The following VWA8 variants were observed in gnomAD, a reference collection of about 807,000 sequenced individuals.
VWA8 encodes the protein von Willebrand factor A domain-containing protein 8.
Under a neutral mutation model 241.5 loss-of-function variants are expected in VWA8, and 221 were observed. That is an observed-to-expected ratio of 0.91 (90% CI 0.82 to 1.02). The LOEUF is 1.02. Ranked by LOEUF, VWA8 falls within the 50% of genes least tolerant of loss-of-function variation. The pLI is 0.00. For synonymous variants in VWA8, 852 were observed against 827.1 expected (o/e 1.03, Z -0.52); for missense variants, 2,322 against 2,328.7 (o/e 1.00, Z 0.06).
chr13:41,758,374 ATATATATATATATATATACGCTAG>A (rs1302467063), intron 21 of VWA8, among the ~76,000 whole-genome samples: 1,349 of 21,218 alleles, frequency 0.064, 102 homozygotes, highest in East Asian at 0.16. Context: ...ACTAGCATAT[ATATATATATATATATATACGCTAG>A]TATATATATA....
chr13:41,580,331 T>C (rs938819514), intron 42 of VWA8, among the ~76,000 whole-genome samples: 1 of 152,230 alleles, frequency 6.6e-6, no homozygotes, highest in Non-Finnish European at 1.5e-5. Context: ...CCAATCTCCA[T>C]GTAGCAATAA....
chr13:41,588,335 G>A (rs557956682), intron 41 of VWA8, among the ~76,000 whole-genome samples: 31 of 152,316 alleles, frequency 2.0e-4, no homozygotes, highest in African/African-American at 7.5e-4. Flanking sequence ...AGAAACAACT[G>A]TCAATTAAGA....
chr13:41,605,037 T>C lies in VWA8; in HGVS notation c.4986+131A>G, dbSNP rs2044544164. 3.9e-6 allele frequency: 3 copies of C among 763,282 alleles called. No homozygotes were observed. In the South Asian group the frequency reaches 5.3e-5, roughly 14 times the overall value. 47.3% of individuals were successfully genotyped at this position (763,282 alleles called of 1,614,324 possible). On this transcript the variant is annotated intron_variant, in intron 40 of 44. Transcript: ENST00000379310. ...AAAGCCATGGGATAGTCCAGTTTTA[T>C]GCAGACATTTTCACACTGAGACATT...
intron 12 of VWA8, among the ~76,000 whole-genome samples, chr13:41,840,663 G>A (rs542932436): frequency 1.3e-5 from 2 of 151,852 alleles, no homozygotes; most frequent in South Asian, 4.2e-4. Flanking sequence ...GGGAGCTGAG[G>A]CACAAGGATC....
At chr13:41,751,643 G>A (rs763515376) in intron 21 of VWA8, among the ~76,000 whole-genome samples, 3 of 145,926 alleles carry the variant, frequency 2.1e-5, no homozygotes, top group Non-Finnish European at 4.5e-5. Flanking sequence ...TGTAAAGCAT[G>A]TCATCATTCA....
At chr13:41,573,623 T>C (rs2044330246) in intron 43 of VWA8, among the ~76,000 whole-genome samples, 1 of 105,268 alleles carries the variant, frequency 9.5e-6, no homozygotes, top group Non-Finnish European at 1.9e-5. Context: ...ATATATGGTG[T>C]GTGTGTGTGT....
chr13:41,669,782 T>C (rs2045010027), intron 37 of VWA8, among the ~76,000 whole-genome samples: 1 of 152,170 alleles, frequency 6.6e-6, no homozygotes, highest in Non-Finnish European at 1.5e-5. Context: ...TTTAGAATAA[T>C]AAATGAAACA....
chr13:41,807,892 ACTC>A (rs1870286752), intron 17 of VWA8: 1 of 152,108 alleles, frequency 6.6e-6, no homozygotes, highest in Admixed American at 6.5e-5. Flanking sequence ...GCCAGTCAAA[ACTC>A]CTGTGTCGAT....
At position 41,575,793 on chromosome 13, in the gene VWA8, C is replaced by A. The variant is rs563747643; in HGVS notation, c.5317G>T (p.Val1773Phe). 1 of 1,613,376 alleles carries A rather than the reference C, an allele frequency of 6.2e-7. No individual in the cohort carries two copies. The highest frequency in any genetic ancestry group is 1.3e-5 in the African/African-American group (1 of 74,998). The change falls in exon 43 of 45, where the codon GTT becomes TTT. Residue 1773 changes from valine to phenylalanine, a missense_variant. Physicochemically the swap from Val to Phe is conservative, Grantham distance 50. Coordinates refer to ENST00000379310, the MANE Select transcript of VWA8 (RefSeq NM_015058.2). Reference protein sequence around the residue: ...HSGDGYNIGLVPMNKIPKDNK... With the variant: ...HSGDGYNIGLFPMNKIPKDNK... ...TCCTTGGGGATTTTGTTCATTGGAA[C>A]CAGACCAATGTTGTAGCCATCTCCA... is the stretch of plus-strand genomic sequence containing the variant.
chr13:41,680,136 G>A (rs535315826), intron 35 of VWA8, among the ~76,000 whole-genome samples: 9 of 152,034 alleles, frequency 5.9e-5, no homozygotes, highest in African/African-American at 2.2e-4. Context: ...GCTTTGCTAT[G>A]TCTTATATTA....
intron 4 of VWA8, among the ~76,000 whole-genome samples, chr13:41,904,736 G>A (rs1875622243): frequency 6.6e-6 from 1 of 151,940 alleles, no homozygotes; most frequent in Admixed American, 6.6e-5. Flanking sequence ...TAAAATTTTA[G>A]GGATTACCAG....
At chr13:41,660,408 G>C (rs1169098744) in intron 37 of VWA8, among the ~76,000 whole-genome samples, 1 of 152,158 alleles carries the variant, frequency 6.6e-6, no homozygotes, top group African/African-American at 2.4e-5. Context: ...GAGCCACCGT[G>C]CCTGGCCAGA....
intron 7 of VWA8, 125 bp from the exon 8 acceptor site, chr13:41,886,153 A>G (rs1874524043): frequency 3.0e-6 from 2 of 672,992 alleles, no homozygotes; most frequent in African/African-American, 3.8e-5. Context: ...TTCTTAAGGA[A>G]CAATGGTTCC....
chr13:41,876,930 A>AT (rs1377549796), intron 9 of VWA8, among the ~76,000 whole-genome samples: 1 of 152,010 alleles, frequency 6.6e-6, no homozygotes, highest in African/African-American at 2.4e-5. Context: ...CTGCAGACAG[A>AT]TTTTTCCTCT....
chr13:41,808,591 C>G (rs2137970850), intron 17 of VWA8, among the ~76,000 whole-genome samples: 1 of 152,212 alleles, frequency 6.6e-6, no homozygotes, highest in East Asian at 1.9e-4. Flanking sequence ...CCACCTCCAA[C>G]ACTGGGGATT....
intron 5 of VWA8, among the ~76,000 whole-genome samples, chr13:41,888,769 G>C (rs530976816): frequency 1.3e-5 from 2 of 152,238 alleles, no homozygotes; most frequent in African/African-American, 4.8e-5. Flanking sequence ...ATTACCTCTA[G>C]TGTATAACAG....
chr13:41,772,940 T>C (rs913895038), intron 20 of VWA8, among the ~76,000 whole-genome samples: 1 of 152,252 alleles, frequency 6.6e-6, no homozygotes, highest in African/African-American at 2.4e-5. Context: ...TTGTAAAAGT[T>C]GCCACTGGTA....
chr13:41,924,265 A>G (rs1189800631), intron 2 of VWA8, among the ~76,000 whole-genome samples: 1 of 152,116 alleles, frequency 6.6e-6, no homozygotes. Context: ...CAATGAAATA[A>G]AAAATACAAG....
intron 21 of VWA8, among the ~76,000 whole-genome samples, chr13:41,751,747 T>C (rs1182731310): frequency 6.6e-6 from 1 of 152,184 alleles, no homozygotes; most frequent in Non-Finnish European, 1.5e-5. Context: ...AAGTAAGTGT[T>C]TTAACAATAA....
Sources: gnomAD v4.1 joint callset for allele counts (sites outside exome capture counted in the v4.1 genomes callset) on GRCh38, gnomAD v4.1.1 for gene constraint, MANE v1.5 for transcripts, NCBI Gene and HGNC (gene_info 2026-07-23, HGNC 2026-07-21) for gene names.